USP8: variants seen among roughly 807,000 people sequenced by gnomAD.
USP8 encodes the protein ubiquitin carboxyl-terminal hydrolase 8.
A neutral mutation model predicts 130.0 loss-of-function variants in USP8; 27 were observed. The observed-to-expected ratio is 0.21, with a 90% CI of 0.15 to 0.29. USP8 has a LOEUF of 0.29. USP8 is among the 10% of genes least tolerant of loss of function. The pLI is 1.00. For missense variants in USP8, 1,029 were observed against 1,312.2 expected, an observed-to-expected ratio of 0.78 and a Z score of 3.33; for synonymous variants, 392 against 444.1, an observed-to-expected ratio of 0.88 and a Z score of 1.48.
At position 50,445,614 on chromosome 15, in the gene USP8, G is replaced by C. The variant is rs2050408510; in HGVS notation, c.250-3786G>C. 2.8e-5 allele frequency among the ~76,000 whole-genome samples: 4 copies of C among 142,878 alleles called. No homozygotes were observed. The South Asian group carries it at 8.8e-4, about 31-fold the overall frequency. The allele number at this position is 142,878 out of a possible 152,430, so 93.7% of individuals were successfully genotyped here. On this transcript the variant is annotated intron_variant, in intron 3 of 19. Transcript: ENST00000307179. ...CGCCTGTAGTCCCAGCACTTTGGGA[G>C]GCAGAGGCAGGTGGATCACAAGGTC...
At chr15:50,433,948 A>G (rs1219040214) in intron 1 of USP8, among the ~76,000 whole-genome samples, 11 of 151,866 alleles carry the variant, frequency 7.2e-5, no homozygotes, top group African/African-American at 2.4e-4. Flanking sequence ...TTTGGGTTTC[A>G]CTTTTGGAGC....
At chr15:50,459,254 T>C in intron 5 of USP8, 92 bp downstream of exon 5, 6 of 1,454,834 alleles carry the variant, frequency 4.1e-6, no homozygotes, top group Middle Eastern at 1.9e-4. Flanking sequence ...TAAAGTTCTT[T>C]TAGGCAACAA....
chr15:50,439,329 C>CTAAT, intron 2 of USP8, 152 bp downstream of exon 2: 1 of 541,460 alleles, frequency 1.8e-6, no homozygotes, highest in Non-Finnish European at 3.2e-6. Context: ...GTAATGTAAT[C>CTAAT]GTAGCACAAT....
chr15:50,493,229 C>G, intron 15 of USP8: 1 of 506,382 alleles, frequency 2.0e-6, no homozygotes, highest in Non-Finnish European at 3.8e-6. Flanking sequence ...CTTATCACCT[C>G]TTTAAAGGCC....
At chr15:50,429,381 A>G (rs1051909558) in intron 1 of USP8, among the ~76,000 whole-genome samples, 1 of 151,376 alleles carries the variant, frequency 6.6e-6, no homozygotes, top group Admixed American at 6.6e-5. Flanking sequence ...ATTTTTTAAA[A>G]TTTTGGTAGG....
At chr15:50,465,910 C>T (rs2051173459) in intron 7 of USP8, among the ~76,000 whole-genome samples, 1 of 152,168 alleles carries the variant, frequency 6.6e-6, no homozygotes, top group Admixed American at 6.6e-5. Flanking sequence ...TAGAACATAT[C>T]TTACAGAGGT....
At chr15:50,443,998 G>A (rs368521238) in intron 3 of USP8, among the ~76,000 whole-genome samples, 4 of 152,120 alleles carry the variant, frequency 2.6e-5, no homozygotes, top group South Asian at 2.1e-4. Flanking sequence ...TGCTTAAAAC[G>A]CAGTGTAAGT....
chr15:50,449,559 A>G lies in USP8; in HGVS notation c.335+74A>G, dbSNP rs1466163299. 3 of 1,102,160 alleles carry G rather than the reference A, an allele frequency of 2.7e-6. No individual in the cohort carries two copies. The African/African-American group carries it at 4.9e-5, about 18-fold the overall frequency. 68.3% of individuals were successfully genotyped at this position (1,102,160 alleles called of 1,614,324 possible). On this transcript the variant is annotated intron_variant, in intron 4 of 19. Coordinates refer to ENST00000307179, the MANE Select transcript of USP8 (RefSeq NM_005154.5). ...AATAATATTTAAGATTTACCGATTT[A>G]TATCTGACGATTCATATAATATTCC...
intron 7 of USP8, among the ~76,000 whole-genome samples, chr15:50,467,683 G>A (rs2051236267): frequency 1.3e-5 from 2 of 152,116 alleles, no homozygotes; most frequent in Admixed American, 6.5e-5. Flanking sequence ...AGCCTCCTGG[G>A]TAGCTGGGAA....
At chr15:50,431,212 C>T (rs538593836) in intron 1 of USP8, among the ~76,000 whole-genome samples, 81 of 56,994 alleles carry the variant, frequency 1.4e-3, no homozygotes, top group Non-Finnish European at 2.4e-3. Context: ...AATACTGTTT[C>T]GATCAACCAG....
In USP8 at chr15:50,485,606, A is replaced by G. The variant is rs1232825561; in HGVS notation, c.1890+1245A>G. 6.5e-5 allele frequency among the ~76,000 whole-genome samples: 7 copies of G among 108,470 alleles called. No homozygotes were observed. The East Asian group carries it at 1.9e-3, about 29-fold the overall frequency. 71.2% of individuals were successfully genotyped at this position (108,470 alleles called of 152,430 possible). On this transcript the variant is annotated intron_variant, in intron 12 of 19. Coordinates refer to ENST00000307179, the MANE Select transcript of USP8 (RefSeq NM_005154.5). Reference sequence around the variant, plus strand: ...TTTAGTAATTTAGTGTTGTGAAACCATTAATACAATCCAATTTTAGAACAT... The same window carrying G: ...TTTAGTAATTTAGTGTTGTGAAACCGTTAATACAATCCAATTTTAGAACAT...
chr15:50,425,660 T>TA lies in USP8; in HGVS notation c.-66+1156dup, dbSNP rs141246657. Among the ~76,000 whole-genome samples, 193 of 150,102 alleles carry TA rather than the reference T, an allele frequency of 1.3e-3. 1 individual carries two copies. Among genetic ancestry groups the TA allele is most frequent in the Non-Finnish European group, 1.7e-3 (116 of 67,374 alleles). On this transcript the variant is annotated intron_variant, in intron 1 of 19. Coordinates refer to ENST00000307179, the MANE Select transcript of USP8 (RefSeq NM_005154.5). The stretch of plus-strand genomic sequence containing the variant: ...TATTAGTGAAGACCCTGTAGTAGTT[T>TA]AAAAAAAAAATACACCTCTCATTAA...
At chr15:50,452,639 G>A (rs769910982) in intron 4 of USP8, among the ~76,000 whole-genome samples, 18 of 152,284 alleles carry the variant, frequency 1.2e-4, no homozygotes, top group Middle Eastern at 3.4e-3. Context: ...GTAAGTGTAC[G>A]GAGCCAGACT....
intron 14 of USP8, among the ~76,000 whole-genome samples, chr15:50,491,070 A>G (rs2052143606): frequency 6.6e-6 from 1 of 152,174 alleles, no homozygotes; most frequent in South Asian, 2.1e-4. Context: ...GTTTCCCAAA[A>G]TAGTTTCATT....
intron 8 of USP8, among the ~76,000 whole-genome samples, chr15:50,472,580 G>C (rs999384672): frequency 2.1e-5 from 3 of 139,732 alleles, no homozygotes; most frequent in African/African-American, 5.4e-5. Flanking sequence ...CTGGGAGACA[G>C]AGCGAGACTC....
rs2141346978 is a variant in USP8 at position 50,507,529 on chromosome 15, T to C, written c.*8441T>C. The C allele has an allele frequency of 6.6e-6, 1 of 152,248 alleles. No homozygotes were observed. Among genetic ancestry groups the C allele is most frequent in the East Asian group, 1.9e-4 (1 of 5,188 alleles). The allele number at this position is 152,248 out of a possible 1,614,324, so 9.4% of individuals were successfully genotyped here. ...AGAATGCATTGTAAATGAGTCACTT[T>C]ATAATGAAAAAAGGTTTAAATCACC... On this transcript the variant is annotated 3_prime_UTR_variant, in exon 20 of 20. Transcript: ENST00000307179.
intron 3 of USP8, among the ~76,000 whole-genome samples, chr15:50,447,800 C>T (rs1281057832): frequency 6.7e-6 from 1 of 149,664 alleles, no homozygotes; most frequent in Non-Finnish European, 1.5e-5. Context: ...AACGGGGTCT[C>T]ACTATATGCC....
rs2050308774 is a variant in USP8, at chr15:50,442,958, G to A, written c.249+1465G>A. 2.6e-5 allele frequency among the ~76,000 whole-genome samples: 4 copies of A among 152,136 alleles called. No homozygotes were observed. In the South Asian group the frequency reaches 8.3e-4, roughly 32 times the overall value. On this transcript the variant is annotated intron_variant, in intron 3 of 19. Transcript: ENST00000307179. ...TAATGAGATTTTATTTTGTTCTCTG[G>A]TGGTAGAATTGGCTTCTATTGTTTA...
chr15:50,428,724 T>C (rs752383463), intron 1 of USP8, among the ~76,000 whole-genome samples: 3 of 152,218 alleles, frequency 2.0e-5, no homozygotes, highest in Non-Finnish European at 2.9e-5. Flanking sequence ...TCCTTCATAA[T>C]TTTGCAGATA....
Sources: allele counts gnomAD v4.1 joint callset (sites outside exome capture counted in the v4.1 genomes callset), GRCh38; gene constraint gnomAD v4.1.1; transcripts MANE v1.5; gene names NCBI Gene and HGNC (gene_info 2026-07-23, HGNC 2026-07-21).